Variants in MARCHF7 observed in about 807,000 individuals in gnomAD.
MARCHF7 encodes the protein membrane associated ring-CH-type finger 7.
A neutral mutation model predicts 76.5 loss-of-function variants in MARCHF7; 20 were observed. The ratio of observed to expected loss-of-function variants is 0.26; its 90% confidence interval spans 0.18 to 0.38. The LOEUF (loss-of-function observed/expected upper bound fraction) is 0.38, where lower values mean the gene tolerates loss of function less well. MARCHF7 is among the 10% of genes least tolerant of loss of function. The pLI is 1.00. For synonymous variants in MARCHF7, 295 were observed against 293.0 expected (o/e 1.01, Z -0.07); for missense variants, 797 against 812.9 (o/e 0.98, Z 0.24).
intron 9 of MARCHF7, among the ~76,000 whole-genome samples, chr2:159,762,031 C>T (rs1408171660): frequency 6.6e-6 from 1 of 152,166 alleles, no homozygotes; most frequent in African/African-American, 2.4e-5. Flanking sequence ...AAATACGCCA[C>T]TTGCTTTGGG....
Position 159,764,678 on chromosome 2 carries a change from G to C in MARCHF7, c.2056+4G>C. On this transcript the variant is annotated splice_donor_region_variant and intron_variant, in intron 11 of 11. Coordinates refer to ENST00000409175, the MANE Select transcript of MARCHF7 (RefSeq NM_001282805.2). Reference sequence around the variant, plus strand: ...GCACATATGGAAGATCTCGAAAGTAGGTGGAATTTCCCCTCCCCAGACTTG... The same window carrying C: ...GCACATATGGAAGATCTCGAAAGTACGTGGAATTTCCCCTCCCCAGACTTG... The C allele has an allele frequency of 6.2e-7, 1 of 1,600,258 alleles. No homozygotes were observed. Among genetic ancestry groups the C allele is most frequent in the South Asian group, 1.1e-5 (1 of 88,850 alleles).
At chr2:159,762,803 TGTGA>T (rs1297776431) in intron 9 of MARCHF7, 73 bp from the exon 10 acceptor site, 2 of 775,700 alleles carry the variant, frequency 2.6e-6, no homozygotes, top group African/African-American at 1.7e-5. Context: ...ATCAGTGTAC[TGTGA>T]GTATCAATCT....
At chr2:159,745,702 C>T (rs1704781990) in intron 5 of MARCHF7, 68 bp from the exon 6 acceptor site, 1 of 1,057,190 alleles carries the variant, frequency 9.5e-7, no homozygotes, top group Non-Finnish European at 1.4e-6. Context: ...CTCTCTATTA[C>T]TGAAGATTGT....
At chr2:159,764,255 T>TGTGTGTGTGTGTGC (rs10592175) in intron 10 of MARCHF7, among the ~76,000 whole-genome samples, 2 of 131,370 alleles carry the variant, frequency 1.5e-5, no homozygotes, top group African/African-American at 6.1e-5. Context: ...TGTGTGTGTG[T>TGTGTGTGTGTGTGC]GCGCGCGCCC....
chr2:159,720,304 A>G (rs1036881538), intron 3 of MARCHF7, among the ~76,000 whole-genome samples: 4 of 152,204 alleles, frequency 2.6e-5, no homozygotes, highest in Non-Finnish European at 5.9e-5. Context: ...GATTACAGGC[A>G]TGAGCCACTG....
Position 159,767,309 on chromosome 2 carries a change from C to A in MARCHF7, c.2082C>A (p.Asp694Glu). ...CTTCAGAGGATGATTCCGAAGAAGA[C>A]GGAGACCATAACAGGACATTTGATA... is the stretch of plus-strand genomic sequence containing the variant. The part of the protein sequence containing the change: ...LETSEDDSEE[D>E]GDHNRTFDIA The change falls in exon 12 of 12, where the codon GAC becomes GAA. Residue 694 changes from aspartate to glutamate, a missense_variant. Physicochemically the swap from Asp to Glu is conservative, Grantham distance 45. Transcript: ENST00000409175. 6.2e-7 allele frequency: 1 copy of A among 1,611,028 alleles called. No homozygotes were observed. The highest frequency in any genetic ancestry group is 8.5e-7 in the Non-Finnish European group (1 of 1,178,006).
Position 159,752,430 on chromosome 2 carries a change from G to C in MARCHF7, c.1642G>C (p.Glu548Gln). 1.3e-6 allele frequency: 2 copies of C among 1,598,852 alleles called. No individual in the cohort carries two copies. The highest frequency in any genetic ancestry group is 1.7e-6 in the Non-Finnish European group (2 of 1,174,150). The change falls in exon 8 of 12, where the codon GAA (glutamate) becomes CAA (glutamine). Residue 548 changes from glutamate (E) to glutamine (Q), a missense_variant. Glu to Gln is a conservative substitution (Grantham distance 29, BLOSUM62 2). This residue lies in a region of MARCHF7 where 643 missense variants were observed against 631.5 expected (regional missense o/e 1.02). Coordinates refer to ENST00000409175, the MANE Select transcript of MARCHF7 (RefSeq NM_001282805.2). ...CCTTTTAGAGGACTCAGAAGAAGAA[G>C]AAGGTGACTTATGTAGAATTTGTCA... ...SLLLEDSEEE[E>Q]GDLCRICQMA...
At chr2:159,757,549 G>A (rs959862522) in intron 8 of MARCHF7, among the ~76,000 whole-genome samples, 2 of 152,216 alleles carry the variant, frequency 1.3e-5, no homozygotes, top group Non-Finnish European at 2.9e-5. Flanking sequence ...AGGACAAGGT[G>A]AGAGGATCCT....
At chr2:159,721,353 A>C (rs888043271) in intron 3 of MARCHF7, among the ~76,000 whole-genome samples, 6 of 152,200 alleles carry the variant, frequency 3.9e-5, no homozygotes, top group African/African-American at 1.4e-4. Flanking sequence ...GCAAGCCCAC[A>C]GGTTTGTGAG....
chr2:159,755,558 T>C (rs966919694), intron 8 of MARCHF7, among the ~76,000 whole-genome samples: 3 of 152,090 alleles, frequency 2.0e-5, no homozygotes, highest in African/African-American at 7.2e-5. Context: ...TAGAAGCATA[T>C]ATATAGGTAT....
chr2:159,727,882 C>T (rs1351348040), intron 3 of MARCHF7, among the ~76,000 whole-genome samples: 2 of 152,200 alleles, frequency 1.3e-5, no homozygotes, highest in East Asian at 1.9e-4. Flanking sequence ...TTACTTTCGT[C>T]GTGGGTTTAG....
chr2:159,733,356 G>A, intron 4 of MARCHF7: 1 of 457,750 alleles, frequency 2.2e-6, no homozygotes. Context: ...TCCCACCTCA[G>A]CCTCCTGAGT....
intron 8 of MARCHF7, among the ~76,000 whole-genome samples, chr2:159,758,434 T>C (rs566297069): frequency 1.3e-5 from 2 of 152,322 alleles, no homozygotes; most frequent in Admixed American, 6.5e-5. Flanking sequence ...TCACTCCTAT[T>C]TCCAAAATTG....
intron 3 of MARCHF7, among the ~76,000 whole-genome samples, chr2:159,717,301 T>C (rs1275252940): frequency 1.3e-5 from 2 of 152,250 alleles, no homozygotes; most frequent in African/African-American, 4.8e-5. Context: ...TGGGGGACAT[T>C]TGTAGCCATA....
intron 4 of MARCHF7, among the ~76,000 whole-genome samples, chr2:159,739,126 C>T (rs1340307207): frequency 1.3e-5 from 2 of 152,350 alleles, no homozygotes; most frequent in South Asian, 2.1e-4. Flanking sequence ...GGAAGGGAGG[C>T]TTCTCAGGCC....
Position 159,743,133 on chromosome 2 carries a change from GCACGC to G in MARCHF7, c.227_231del (p.Ala76ValfsTer11). On this transcript the variant is annotated frameshift_variant, in exon 5 of 12. Coordinates refer to ENST00000409175, the MANE Select transcript of MARCHF7 (RefSeq NM_001282805.2). LOFTEE classifies it high-confidence loss of function. Reference sequence around the variant, plus strand: ...TAGTGAATCTGAGATAACTCAGGGAGCACGCTCAAGATCGCAGAACCAGCAACGGG... The same window carrying G: ...TAGTGAATCTGAGATAACTCAGGGAGTCAAGATCGCAGAACCAGCAACGGG... The G allele has an allele frequency of 6.2e-7, 1 of 1,614,138 alleles. No homozygotes were observed. The highest frequency in any genetic ancestry group is 8.5e-7 in the Non-Finnish European group (1 of 1,180,018).
chr2:159,748,731 G>T lies in MARCHF7; in HGVS notation c.1441G>T (p.Gly481Cys). The T allele has an allele frequency of 2.5e-6, 4 of 1,614,098 alleles. No homozygotes were observed. Among genetic ancestry groups the T allele is most frequent in the Non-Finnish European group, 3.4e-6 (4 of 1,180,024 alleles). The change falls in exon 7 of 12, where the codon GGT (glycine) becomes TGT (cysteine). Residue 481 changes from glycine to cysteine, a missense_variant. This residue lies in a region of MARCHF7 where 643 missense variants were observed against 631.5 expected (regional missense o/e 1.02). Transcript: ENST00000409175. ...TACAGGAATATCAGGGATTCTTCCT[G>T]GTTCCTTATTCCGGTTTGCAGTCCC... ...RNTGISGILP[G>C]SLFRFAVPPA...
intron 3 of MARCHF7, among the ~76,000 whole-genome samples, chr2:159,727,403 T>C (rs979874459): frequency 6.6e-6 from 1 of 152,104 alleles, no homozygotes; most frequent in East Asian, 1.9e-4. Flanking sequence ...CTGGTTAACA[T>C]GGTGAAACCC....
intron 11 of MARCHF7, among the ~76,000 whole-genome samples, chr2:159,764,973 C>G (rs1707591777): frequency 6.6e-6 from 1 of 151,082 alleles, no homozygotes. Context: ...AGGCATAAAT[C>G]TTAACTACTA....
Sources: gnomAD v4.1 joint callset for allele counts (sites outside exome capture counted in the v4.1 genomes callset) on GRCh38, gnomAD v4.1.1 for gene constraint, gnomAD v4.1.1 regional missense constraint, MANE v1.5 for transcripts, NCBI Gene and HGNC (gene_info 2026-07-23, HGNC 2026-07-21) for gene names.